TLL1: variants seen among roughly 807,000 people sequenced by gnomAD.
TLL1 encodes tolloid-like protein 1.
In TLL1, 49 loss-of-function variants were observed where a neutral mutation model predicts 128.2. The ratio of observed to expected loss-of-function variants is 0.38; its 90% CI spans 0.30 to 0.48. TLL1 has a LOEUF of 0.48. Among genes scored for constraint, TLL1 ranks in the 20% least tolerant of loss-of-function variants. The pLI is 0.96. For synonymous variants in TLL1, 454 were observed against 418.8 expected, an observed-to-expected ratio of 1.08 and a Z score of -1.03; for missense variants, 1,123 against 1,242.0, an observed-to-expected ratio of 0.90 and a Z score of 1.44.
chr4:165,980,152 CAT>C (rs10565275), intron 1 of TLL1, among the ~76,000 whole-genome samples: 12,106 of 152,086 alleles, frequency 0.08, 1,566 homozygotes, highest in African/African-American at 0.27. Context: ...TTTTTCTTCA[CAT>C]GTTTTTATTT....
chr4:165,989,326 G>A lies in TLL1; in HGVS notation c.170-55G>A, dbSNP rs192832774. On this transcript the variant is annotated intron_variant, in intron 1 of 20. Transcript: ENST00000061240. ...ACAATGCTTTTCTAATTAGCTTTGT[G>A]TGTATTGATTTCACGGAAATATTTT... is the stretch of plus-strand genomic sequence containing the variant. The A allele has an allele frequency of 4.8e-5, 60 of 1,247,262 alleles. No individual in the cohort carries two copies. In the African/African-American group the frequency reaches 7.7e-4, roughly 16 times the overall value. The allele number at this position is 1,247,262 out of a possible 1,614,324, so 77.3% of individuals were successfully genotyped here. A position where few individuals can be genotyped will look rare whatever the true frequency, so the allele number is the denominator to read the frequency against.
At chr4:165,948,824 C>G (rs762250813) in intron 1 of TLL1, among the ~76,000 whole-genome samples, 1 of 152,034 alleles carries the variant, frequency 6.6e-6, no homozygotes, top group Non-Finnish European at 1.5e-5. Context: ...CTTGGAAACA[C>G]TGAAAGAAGT....
At chr4:166,003,647 T>A in intron 6 of TLL1, 78 bp downstream of exon 6, 1 of 1,481,274 alleles carries the variant, frequency 6.8e-7, no homozygotes. Flanking sequence ...ATTATTTCAC[T>A]TTCCCAAAAA....
intron 1 of TLL1, among the ~76,000 whole-genome samples, chr4:165,977,238 A>G (rs967239822): frequency 6.6e-6 from 1 of 152,184 alleles, no homozygotes; most frequent in Non-Finnish European, 1.5e-5. Flanking sequence ...TGATTGGATC[A>G]TGGGGGGCAG....
Position 166,097,772 on chromosome 4 carries a change from A to G in TLL1, c.2657-1505A>G, listed in dbSNP as rs76192762. Among the ~76,000 whole-genome samples the G allele has an allele frequency of 1.6e-4, 24 of 152,218 alleles. No individual in the cohort carries two copies. The East Asian group carries it at 3.1e-3, about 20-fold the overall frequency. On this transcript the variant is annotated intron_variant, in intron 19 of 20. Coordinates refer to ENST00000061240, the MANE Select transcript of TLL1 (RefSeq NM_012464.5). ...CACAGACTACCATCACAGTATTACA[A>G]TCGTACTTGGCTATCCAGTGGTTTT...
At chr4:166,094,687 G>T (rs1299568652) in intron 19 of TLL1, among the ~76,000 whole-genome samples, 1 of 152,070 alleles carries the variant, frequency 6.6e-6, no homozygotes. Flanking sequence ...ATTATTCTGA[G>T]AATTTTTTAT....
intron 1 of TLL1, among the ~76,000 whole-genome samples, chr4:165,928,518 A>G (rs1000373026): frequency 6.6e-6 from 1 of 152,188 alleles, no homozygotes; most frequent in African/African-American, 2.4e-5. Flanking sequence ...AGGCAAAAGG[A>G]ACAGCAAAAG....
chr4:165,941,346 G>A (rs866524997), intron 1 of TLL1, among the ~76,000 whole-genome samples: 1 of 152,054 alleles, frequency 6.6e-6, no homozygotes, highest in African/African-American at 2.4e-5. Flanking sequence ...TCGTAATGAT[G>A]AGGCAAGAAT....
At chr4:165,940,896 C>A (rs930507430) in intron 1 of TLL1, among the ~76,000 whole-genome samples, 9 of 151,968 alleles carry the variant, frequency 5.9e-5, no homozygotes, top group Admixed American at 3.9e-4. Flanking sequence ...CTATTTCTTC[C>A]TAGGCTGTTC....
intron 10 of TLL1, among the ~76,000 whole-genome samples, chr4:166,039,722 G>A (rs1170982461): frequency 1.3e-5 from 2 of 151,930 alleles, no homozygotes. Flanking sequence ...TGCCTATCAT[G>A]AGTACTCCTC....
At chr4:165,970,061 A>G (rs941009289) in intron 1 of TLL1, among the ~76,000 whole-genome samples, 10 of 152,302 alleles carry the variant, frequency 6.6e-5, no homozygotes, top group African/African-American at 2.2e-4. Flanking sequence ...AAGTCTCATT[A>G]CTTTATAAGA....
At chr4:166,040,223 C>T (rs1249531080) in intron 10 of TLL1, among the ~76,000 whole-genome samples, 1 of 152,180 alleles carries the variant, frequency 6.6e-6, no homozygotes, top group African/African-American at 2.4e-5. Context: ...GCTCTTTTAA[C>T]ATCTAACACC....
At chr4:166,098,833 T>C (rs2111167328) in intron 19 of TLL1, among the ~76,000 whole-genome samples, 1 of 152,270 alleles carries the variant, frequency 6.6e-6, no homozygotes, top group South Asian at 2.1e-4. Context: ...CTTGAGTTAA[T>C]ACTCTGGCAT....
rs1742364153 is a variant in TLL1, at chr4:166,103,116, G to A, written c.*2240G>A. The A allele has an allele frequency of 1.3e-5, 2 of 151,870 alleles. No individual in the cohort carries two copies. Among genetic ancestry groups the A allele is most frequent in the South Asian group, 4.1e-4 (2 of 4,828 alleles). 9.4% of individuals were successfully genotyped at this position (151,870 alleles called of 1,614,324 possible). A position where few individuals can be genotyped will look rare whatever the true frequency, so the allele number is the denominator to read the frequency against. On this transcript the variant is annotated 3_prime_UTR_variant, in exon 21 of 21. Transcript: ENST00000061240. Reference sequence around the variant, plus strand: ...TTTATGTAACCTTCCCAGAGTCACAGTGTAAAGTTAGATGTTGAAACCCAG... The same window carrying A: ...TTTATGTAACCTTCCCAGAGTCACAATGTAAAGTTAGATGTTGAAACCCAG...
intron 9 of TLL1, among the ~76,000 whole-genome samples, chr4:166,035,341 G>T (rs1738952906): frequency 6.6e-6 from 1 of 152,012 alleles, no homozygotes; most frequent in African/African-American, 2.4e-5. Context: ...TTTTTTCAGG[G>T]TTTATATTGT....
intron 14 of TLL1, among the ~76,000 whole-genome samples, chr4:166,059,323 A>G (rs2111116508): frequency 6.6e-6 from 1 of 152,152 alleles, no homozygotes; most frequent in Admixed American, 6.6e-5. Context: ...TGTTCTTTTT[A>G]CTCAGCTTGC....
At chr4:165,891,917 G>A (rs896588308) in intron 1 of TLL1, among the ~76,000 whole-genome samples, 4 of 152,128 alleles carry the variant, frequency 2.6e-5, no homozygotes, top group African/African-American at 9.7e-5. Flanking sequence ...CCAATTTACT[G>A]TATTAGTCCT....
chr4:166,043,371 AAC>A lies in TLL1; in HGVS notation c.1478_1479del (p.Thr493SerfsTer3). The A allele has an allele frequency of 6.2e-7, 1 of 1,614,156 alleles. No homozygotes were observed. The highest frequency in any genetic ancestry group is 8.5e-7 in the Non-Finnish European group (1 of 1,180,004). Reference sequence around the variant, plus strand: ...CGATGAAAGAATGTGTGTGGAAAATAACAGTGTCTGAGAGCTACCACGTCGGG... The same window carrying A: ...CGATGAAAGAATGTGTGTGGAAAATAAGTGTCTGAGAGCTACCACGTCGGG... ...RPMKECVWKI[T>X]VSESYHVGLT... On this transcript the variant is annotated frameshift_variant, in exon 12 of 21. Transcript: ENST00000061240. LOFTEE classifies it high-confidence loss of function.
intron 1 of TLL1, among the ~76,000 whole-genome samples, chr4:165,968,025 G>T (rs1162530301): frequency 2.6e-5 from 4 of 152,148 alleles, no homozygotes; most frequent in Admixed American, 2.6e-4. Flanking sequence ...CTGAACTTCA[G>T]TTATCTTTAC....
Sources: allele counts gnomAD v4.1 joint callset (sites outside exome capture counted in the v4.1 genomes callset), GRCh38; gene constraint gnomAD v4.1.1; transcripts MANE v1.5; gene names NCBI Gene and HGNC (gene_info 2026-07-23, HGNC 2026-07-21).